CEACAM4: variants seen among roughly 807,000 people sequenced by gnomAD.
CEACAM4 encodes cell adhesion molecule CEACAM4.
In CEACAM4, 30 loss-of-function variants were observed where a neutral mutation model predicts 28.7. The observed-to-expected ratio is 1.05, with a 90% CI of 0.78 to 1.42. The LOEUF is 1.42. Among genes scored for constraint, CEACAM4 ranks in the 40% most tolerant of loss-of-function variants. The pLI is 0.00. For synonymous variants in CEACAM4, 143 were observed against 126.5 expected, an observed-to-expected ratio of 1.13 and a Z score of -0.87; for missense variants, 330 against 308.2, an observed-to-expected ratio of 1.07 and a Z score of -0.53.
At chr19:41,616,298 C>T (rs1346183094), downstream of CEACAM4, among the ~76,000 whole-genome samples, 3 of 152,170 alleles carry the variant, frequency 2.0e-5, no homozygotes, top group African/African-American at 7.2e-5. Context: ...TCCAAAAGTG[C>T]TGGGACTACA....
chr19:41,621,717 CCA>C lies in CEACAM4; in HGVS notation c.474_475del (p.Val160ProfsTer27). On this transcript the variant is annotated frameshift_variant, in exon 3 of 7. Transcript: ENST00000221954. LOFTEE classifies it high-confidence loss of function. ...CACCAGAGCCACCCCAACCAGGACCCCAGTCACGATGCCAGCGACGGCCCCCA... is the reference window on the plus strand; with the variant it reads ...CACCAGAGCCACCCCAACCAGGACCCGTCACGATGCCAGCGACGGCCCCCA... The C allele has an allele frequency of 6.2e-7, 1 of 1,613,462 alleles. No individual in the cohort carries two copies. Among genetic ancestry groups the C allele is most frequent in the Non-Finnish European group, 8.5e-7 (1 of 1,179,442 alleles).
intron 6 of CEACAM4, 77 bp from the exon 7 acceptor site, chr19:41,619,472 C>A: frequency 6.3e-7 from 1 of 1,588,996 alleles, no homozygotes; most frequent in South Asian, 1.1e-5. Flanking sequence ...GCTCTGGGCC[C>A]ACCCAGGGCT....
chr19:41,621,050 C>A (rs2071255135), intron 3 of CEACAM4, among the ~76,000 whole-genome samples: 3 of 152,042 alleles, frequency 2.0e-5, no homozygotes, highest in Admixed American at 2.0e-4. Context: ...ACTCAGTATC[C>A]CTGCCATGGC....
chr19:41,614,403 C>T (rs572363341), downstream of CEACAM4, among the ~76,000 whole-genome samples: 6 of 152,312 alleles, frequency 3.9e-5, no homozygotes, highest in Non-Finnish European at 5.9e-5. Flanking sequence ...GTGGTCAGAG[C>T]GTGTGCGCGT....
At chr19:41,620,533 C>T (rs782208493) in intron 4 of CEACAM4, 42 bp downstream of exon 4, 3 of 1,564,728 alleles carry the variant, frequency 1.9e-6, no homozygotes, top group Non-Finnish European at 2.6e-6. Flanking sequence ...CACCGTAGGG[C>T]AGGCCTAGGG....
At position 41,619,925 on chromosome 19, in the gene CEACAM4, C is replaced by T. The variant is rs2071158878; in HGVS notation, c.628-214G>A. On this transcript the variant is annotated intron_variant, in intron 5 of 6. Coordinates refer to ENST00000221954, the MANE Select transcript of CEACAM4 (RefSeq NM_001817.4). ...TGTCCTGGCTGGGCCCACCCCGCAC[C>T]CTTGTTAATGTGGGCCTCTGACTGA... Among the ~76,000 whole-genome samples the T allele has an allele frequency of 2.0e-5, 3 of 152,190 alleles. No homozygotes were observed. In the South Asian group the frequency reaches 6.2e-4, roughly 32 times the overall value.
downstream of CEACAM4, among the ~76,000 whole-genome samples, chr19:41,618,747 C>T (rs1022660818): frequency 6.6e-6 from 1 of 152,184 alleles, no homozygotes; most frequent in Non-Finnish European, 1.5e-5. Context: ...CAGAGGGACC[C>T]AGGCTGGGGC....
chr19:41,622,275 G>A (rs1258473569), intron 2 of CEACAM4, among the ~76,000 whole-genome samples: 3 of 151,914 alleles, frequency 2.0e-5, no homozygotes, highest in Non-Finnish European at 4.4e-5. Flanking sequence ...ATGAAATTTC[G>A]CCATGTTGTC....
downstream of CEACAM4, among the ~76,000 whole-genome samples, chr19:41,617,917 A>T (rs2071019750): frequency 6.6e-6 from 1 of 150,934 alleles, no homozygotes; most frequent in South Asian, 2.1e-4. Context: ...ATCAGGGGTC[A>T]TTTAGAGCTA....
At chr19:41,615,208 G>A (rs1555798682), downstream of CEACAM4, among the ~76,000 whole-genome samples, 1 of 152,016 alleles carries the variant, frequency 6.6e-6, no homozygotes, top group African/African-American at 2.4e-5. Flanking sequence ...GAGGAGTGGG[G>A]CCGCAAGTGG....
At chr19:41,615,086 G>A (rs1344939355), downstream of CEACAM4, among the ~76,000 whole-genome samples, 7 of 152,168 alleles carry the variant, frequency 4.6e-5, no homozygotes, top group East Asian at 1.9e-4. Context: ...AGCTGAGGAC[G>A]GAAGACATGG....
In CEACAM4 at chr19:41,626,928, G is replaced by A. The variant is rs782796423; in HGVS notation, c.36C>T (p.His12=). ...GPPSAAPRGG[H]RPWQGLLITA... ...TGATCAGGAGCCCCTGCCAGGGCCT[G>A]TGCCCTCCACGGGGAGCGGCTGAGG... is the stretch of plus-strand genomic sequence containing the variant. Residue 12 remains histidine (H), a synonymous_variant, in exon 1 of 7, where the codon CAC becomes CAT. Coordinates refer to ENST00000221954, the MANE Select transcript of CEACAM4 (RefSeq NM_001817.4). 3.1e-6 allele frequency: 5 copies of A among 1,608,060 alleles called. No homozygotes were observed. The highest frequency in any genetic ancestry group is 4.2e-6 in the Non-Finnish European group (5 of 1,176,980).
chr19:41,619,622 G>T (rs1321181302), intron 6 of CEACAM4, 48 bp downstream of exon 6: 17 of 1,573,708 alleles, frequency 1.1e-5, no homozygotes, highest in African/African-American at 4.1e-5. Context: ...GGCAGATCCT[G>T]GGTCCCCTGG....
rs373263803 is a variant in CEACAM4, at chr19:41,619,759, C to T, written c.628-48G>A. ...GTCAGGGGACAGGGAGGGAGGGTCACGGAAGCCCAGCCTGGAAGGTTCCTG... is the reference window on the plus strand; with the variant it reads ...GTCAGGGGACAGGGAGGGAGGGTCATGGAAGCCCAGCCTGGAAGGTTCCTG... On this transcript the variant is annotated intron_variant, in intron 5 of 6. Transcript: ENST00000221954. 62 of 1,467,452 alleles carry T rather than the reference C, an allele frequency of 4.2e-5. No homozygotes were observed. In the East Asian group the frequency reaches 4.7e-4, roughly 11 times the overall value. The allele number at this position is 1,467,452 out of a possible 1,614,324, so 90.9% of individuals were successfully genotyped here.
At chr19:41,619,645 C>T (rs373572111) in intron 6 of CEACAM4, 25 bp downstream of exon 6, 1 of 1,586,906 alleles carries the variant, frequency 6.3e-7, no homozygotes, top group Admixed American at 1.8e-5. Flanking sequence ...CCTGCGGGAC[C>T]AGAACATCCA....
downstream of CEACAM4, among the ~76,000 whole-genome samples, chr19:41,617,104 A>G (rs2070994884): frequency 1.3e-5 from 2 of 152,156 alleles, no homozygotes; most frequent in African/African-American, 4.8e-5. Flanking sequence ...GTTCCCTCCT[A>G]TCTGCATGCT....
At chr19:41,620,298 T>G (rs2071190510) in intron 4 of CEACAM4, 56 bp from the exon 5 acceptor site, 1 of 1,380,820 alleles carries the variant, frequency 7.2e-7, no homozygotes, top group Non-Finnish European at 9.5e-7. Flanking sequence ...GGGCCCCTCC[T>G]GCAGGAGAGT....
At chr19:41,624,976 C>T (rs2071543355) in intron 2 of CEACAM4, among the ~76,000 whole-genome samples, 1 of 152,184 alleles carries the variant, frequency 6.6e-6, no homozygotes, top group Non-Finnish European at 1.5e-5. Context: ...CACTGACTGC[C>T]CAAGGGCATC....
intron 3 of CEACAM4, 117 bp downstream of exon 3, chr19:41,621,534 A>G (rs4803488): frequency 0.29 from 173,896 of 604,106 alleles, 27,771 homozygotes; most frequent in African/African-American, 0.4. Context: ...GGAATGAGAG[A>G]GAAGGATTCC....
Sources: gnomAD v4.1 joint callset for allele counts (sites outside exome capture counted in the v4.1 genomes callset) on GRCh38, gnomAD v4.1.1 for gene constraint, MANE v1.5 for transcripts, NCBI Gene and HGNC (gene_info 2026-07-23, HGNC 2026-07-21) for gene names.